MAMLD1: variants seen among roughly 807,000 people sequenced by gnomAD.
MAMLD1 encodes mastermind like domain containing 1.
A neutral mutation model predicts 45.0 loss-of-function variants in MAMLD1; 14 were observed. That is an observed-to-expected ratio of 0.31 (90% CI 0.21 to 0.49). The LOEUF is 0.49. Among genes scored for constraint, MAMLD1 ranks in the 20% least tolerant of loss-of-function variants. MAMLD1 has a pLI of 0.99. For missense variants in MAMLD1, 543 were observed against 603.6 expected, an observed-to-expected ratio of 0.90 and a Z score of 1.05; for synonymous variants, 254 against 247.8, an observed-to-expected ratio of 1.02 and a Z score of -0.24.
intron 1 of MAMLD1, among the ~76,000 whole-genome samples, chrX:150,407,005 G>A (rs2034014804): frequency 9.0e-6 from 1 of 110,741 alleles, no homozygotes; most frequent in Non-Finnish European, 1.9e-5. Context: ...AAGCTCTCAG[G>A]AGAACCTCTC....
chrX:150,455,025 G>C (rs2035802469), intron 2 of MAMLD1, among the ~76,000 whole-genome samples: 1 of 107,848 alleles, frequency 9.3e-6, no homozygotes, highest in African/African-American at 3.4e-5. Flanking sequence ...CACGTACATG[G>C]TTATATGACA....
intron 1 of MAMLD1, among the ~76,000 whole-genome samples, chrX:150,376,167 T>C (rs1478669225): frequency 8.9e-6 from 1 of 112,154 alleles, no homozygotes; most frequent in African/African-American, 3.2e-5. Context: ...TTCTGAATTC[T>C]CCAGTAGCAA....
intron 1 of MAMLD1, among the ~76,000 whole-genome samples, chrX:150,396,516 G>C (rs1340856554): frequency 9.0e-6 from 1 of 111,001 alleles, no homozygotes; most frequent in East Asian, 2.8e-4. Flanking sequence ...TTGATCTCTA[G>C]TTTAATTCCA....
chrX:150,385,277 T>TACACACACACACAC lies in MAMLD1; in HGVS notation c.-64+21771_-64+21784dup, dbSNP rs3066918. On this transcript the variant is annotated intron_variant, in intron 1 of 7. Coordinates refer to ENST00000370401, the MANE Select transcript of MAMLD1 (RefSeq NM_005491.5). ...TTTCTTCTTTATGCCTGAACAATAC[T>TACACACACACACAC]ACACACACACACACACACACACACA... Among the ~76,000 whole-genome samples, 356 of 94,041 alleles carry TACACACACACACAC rather than the reference T, an allele frequency of 3.8e-3. 3 individuals carry two copies. The highest frequency in any genetic ancestry group is 0.012 in the African/African-American group (294 of 25,471). The allele number at this position is 94,041 out of a possible 115,157, so 81.7% of individuals were successfully genotyped here. A position where few individuals can be genotyped will look rare whatever the true frequency, so the allele number is the denominator to read the frequency against.
intron 1 of MAMLD1, among the ~76,000 whole-genome samples, chrX:150,430,213 G>A (rs927648016): frequency 1.7e-4 from 18 of 108,050 alleles, no homozygotes; most frequent in Admixed American, 3.0e-4. Flanking sequence ...ATGGGGTTTC[G>A]CCATGTTGGC....
chrX:150,448,449 C>G (rs1557404894), intron 2 of MAMLD1, among the ~76,000 whole-genome samples: 1 of 112,229 alleles, frequency 8.9e-6, no homozygotes, highest in African/African-American at 3.2e-5. Context: ...CCACTATACT[C>G]TAATGCACAT....
chrX:150,436,393 A>G (rs1557404288), intron 1 of MAMLD1, among the ~76,000 whole-genome samples: 1 of 111,644 alleles, frequency 9.0e-6, no homozygotes, highest in African/African-American at 3.3e-5. Flanking sequence ...GTATAATCCT[A>G]TATTTCTCAG....
rs1569564632 is a variant in MAMLD1, at chrX:150,398,341, G to GA, written c.-64+34812dup. Among the ~76,000 whole-genome samples, 571 of 64,739 alleles carry GA rather than the reference G, an allele frequency of 8.8e-3. 39 individuals are homozygous for GA. The highest frequency in any genetic ancestry group is 0.019 in the East Asian group (40 of 2,067). The allele number at this position is 64,739 out of a possible 115,157, so 56.2% of individuals were successfully genotyped here. On this transcript the variant is annotated intron_variant, in intron 1 of 7. Transcript: ENST00000370401. The stretch of plus-strand genomic sequence containing the variant: ...AGAAGAAGAAGAAGAAGAAGAAGAA[G>GA]AGGAAGAGGAAGAGGAAGAGGAAGA...
At chrX:150,429,269 C>T (rs943293393) in intron 1 of MAMLD1, among the ~76,000 whole-genome samples, 5 of 110,428 alleles carry the variant, frequency 4.5e-5, no homozygotes, top group Non-Finnish European at 7.6e-5. Flanking sequence ...CCCTGAAGCA[C>T]CCAAGAAATA....
intron 6 of MAMLD1, chrX:150,504,911 T>C (rs2037679190): frequency 9.3e-6 from 7 of 751,253 alleles, no homozygotes; most frequent in Non-Finnish European, 7.8e-6. Flanking sequence ...TGTGAGTCAG[T>C]GCGAGACAGA....
intron 1 of MAMLD1, among the ~76,000 whole-genome samples, chrX:150,387,362 G>A (rs1248631181): frequency 8.9e-6 from 1 of 112,000 alleles, no homozygotes; most frequent in Admixed American, 9.5e-5. Flanking sequence ...CAGTTTTTAC[G>A]TAGTAATAAA....
At chrX:150,386,591 T>A (rs2032940020) in intron 1 of MAMLD1, among the ~76,000 whole-genome samples, 1 of 111,923 alleles carries the variant, frequency 8.9e-6, no homozygotes, top group Non-Finnish European at 1.9e-5. Context: ...AAAAAAATTT[T>A]TTTATTGTCC....
At chrX:150,481,960 AGAAAAAAGAAAGAAAGAAAGAAAG>A (rs1459641595) in intron 5 of MAMLD1, among the ~76,000 whole-genome samples, 1,540 of 92,774 alleles carry the variant, frequency 0.017, 45 homozygotes, top group African/African-American at 0.057. Flanking sequence ...AAAGAAAGAA[AGAAAAAAGAAAGAAAGAAAGAAAG>A]AAAGAAAGAA....
intron 2 of MAMLD1, among the ~76,000 whole-genome samples, chrX:150,456,039 C>T (rs903033451): frequency 9.0e-6 from 1 of 111,328 alleles, no homozygotes; most frequent in Non-Finnish European, 1.9e-5. Flanking sequence ...CAAATACAAC[C>T]GTCCCTACAG....
At chrX:150,372,442 G>A (rs1308344683) in intron 1 of MAMLD1, among the ~76,000 whole-genome samples, 2 of 111,554 alleles carry the variant, frequency 1.8e-5, no homozygotes, top group Non-Finnish European at 3.8e-5. Flanking sequence ...TTTTAAGTGG[G>A]ACAGTAGTTT....
Position 150,422,371 on chromosome X carries a change from T to C in MAMLD1, c.-63-23083T>C, listed in dbSNP as rs142653750. ...TTGCTAGCATATGTTCCTGGGTGAGTCTCTTCCTCAGTTTCCCTATCTGTA... is the reference window on the plus strand; with the variant it reads ...TTGCTAGCATATGTTCCTGGGTGAGCCTCTTCCTCAGTTTCCCTATCTGTA... On this transcript the variant is annotated intron_variant, in intron 1 of 7. Transcript: ENST00000370401. 6.0e-4 allele frequency among the ~76,000 whole-genome samples: 67 copies of C among 111,811 alleles called. No homozygotes were observed. In the East Asian group the frequency reaches 0.017, roughly 29 times the overall value.
chrX:150,452,444 A>G (rs1273872253), intron 2 of MAMLD1, among the ~76,000 whole-genome samples: 1 of 110,856 alleles, frequency 9.0e-6, no homozygotes, highest in Non-Finnish European at 1.9e-5. Context: ...GAAAGGGTAG[A>G]AGGTGAGACT....
chrX:150,482,024 GAA>G (rs1276430352), intron 5 of MAMLD1, among the ~76,000 whole-genome samples: 1 of 106,601 alleles, frequency 9.4e-6, no homozygotes, highest in Admixed American at 9.9e-5. Context: ...AAGAAAGAAA[GAA>G]AGAAAGAATT....
chrX:150,400,281 A>T (rs2033692321), intron 1 of MAMLD1, among the ~76,000 whole-genome samples: 1 of 112,272 alleles, frequency 8.9e-6, no homozygotes, highest in South Asian at 3.7e-4. Flanking sequence ...TTTGAGTTAT[A>T]GTGAGAGGAT....
Sources: gnomAD v4.1 joint callset for allele counts (sites outside exome capture counted in the v4.1 genomes callset) on GRCh38, gnomAD v4.1.1 for gene constraint, MANE v1.5 for transcripts, NCBI Gene and HGNC (gene_info 2026-07-23, HGNC 2026-07-21) for gene names.